FER: variants seen among roughly 807,000 people sequenced by gnomAD.
FER encodes the protein FER tyrosine kinase.
A neutral mutation model predicts 111.0 loss-of-function variants in FER; 63 were observed. That is an observed-to-expected ratio of 0.57 (90% CI 0.46 to 0.70). The LOEUF (loss-of-function observed/expected upper bound fraction) is 0.70, where lower values mean the gene tolerates loss of function less well. Ranked by LOEUF, FER falls within the 30% of genes least tolerant of loss-of-function variation. The pLI is 0.00. For synonymous variants in FER, 327 were observed against 313.9 expected, an observed-to-expected ratio of 1.04 and a Z score of -0.44; for missense variants, 914 against 954.0, an observed-to-expected ratio of 0.96 and a Z score of 0.55.
chr5:108,880,515 A>G (rs1765571859), intron 8 of FER, among the ~76,000 whole-genome samples: 1 of 152,086 alleles, frequency 6.6e-6, no homozygotes. Flanking sequence ...TTATTTATTT[A>G]TTTATAATTA....
intron 5 of FER, among the ~76,000 whole-genome samples, chr5:108,858,348 A>G (rs1316896587): frequency 2.0e-5 from 3 of 152,236 alleles, no homozygotes; most frequent in Non-Finnish European, 4.4e-5. Context: ...CTGAAAAATG[A>G]AACTTAAAGA....
chr5:108,845,017 T>TATATATATACATATATATATATAC (rs1761798676), intron 5 of FER, among the ~76,000 whole-genome samples: 1 of 52,218 alleles, frequency 1.9e-5, no homozygotes, highest in African/African-American at 6.4e-5. Context: ...TATATATATA[T>TATATATATACATATATATATATAC]ATATATATAT....
At chr5:108,805,942 T>C (rs912204903) in intron 3 of FER, among the ~76,000 whole-genome samples, 1 of 152,156 alleles carries the variant, frequency 6.6e-6, no homozygotes, top group Admixed American at 6.5e-5. Flanking sequence ...TAACAAGGAA[T>C]TGAATGTTAA....
chr5:108,769,942 T>A (rs565990354), intron 2 of FER, among the ~76,000 whole-genome samples: 1 of 152,212 alleles, frequency 6.6e-6, no homozygotes, highest in South Asian at 2.1e-4. Flanking sequence ...CTGATGATGA[T>A]GATGATGATG....
intron 17 of FER, among the ~76,000 whole-genome samples, chr5:109,169,007 C>A (rs541818468): frequency 2.0e-5 from 3 of 152,290 alleles, no homozygotes. Context: ...AAGCAAATTT[C>A]ATTAAGAGAC....
chr5:109,154,794 C>G (rs952646555), intron 17 of FER, among the ~76,000 whole-genome samples: 5 of 151,796 alleles, frequency 3.3e-5, no homozygotes, highest in Admixed American at 3.3e-4. Context: ...TAGGGACCTT[C>G]AAAACTGAAA....
At chr5:108,867,425 G>C (rs1764173646) in intron 5 of FER, among the ~76,000 whole-genome samples, 1 of 151,858 alleles carries the variant, frequency 6.6e-6, no homozygotes, top group Non-Finnish European at 1.5e-5. Context: ...AAACTTTCTT[G>C]GTTTCTTGGT....
chr5:108,945,806 CA>C (rs200288684), intron 10 of FER, among the ~76,000 whole-genome samples: 2 of 151,786 alleles, frequency 1.3e-5, no homozygotes, highest in East Asian at 3.9e-4. Flanking sequence ...TTCTTTTTTG[CA>C]TGTGTTAATA....
At chr5:109,148,910 A>T (rs1754523364) in intron 17 of FER, among the ~76,000 whole-genome samples, 1 of 152,116 alleles carries the variant, frequency 6.6e-6, no homozygotes, top group South Asian at 2.1e-4. Flanking sequence ...AATAAAGATG[A>T]TGTAGATGTA....
chr5:108,858,147 G>T (rs1763176557), intron 5 of FER, among the ~76,000 whole-genome samples: 2 of 152,148 alleles, frequency 1.3e-5, no homozygotes, highest in African/African-American at 2.4e-5. Flanking sequence ...GGGATACACT[G>T]AGGGGTTCAC....
At position 109,093,580 on chromosome 5, in the gene FER, T is replaced by C. The variant is rs1747092931; in HGVS notation, c.1925-6816T>C. Among the ~76,000 whole-genome samples the C allele has an allele frequency of 3.9e-5, 6 of 152,284 alleles. No homozygotes were observed. In the South Asian group the frequency reaches 1.2e-3, roughly 32 times the overall value. ...GATTGTATGACATCCACTGATATCA[T>C]TGTTTTGGGGATCTTAATATCCCTA... On this transcript the variant is annotated intron_variant, in intron 16 of 19. Transcript: ENST00000281092.
intron 17 of FER, among the ~76,000 whole-genome samples, chr5:109,136,405 T>C (rs1193606322): frequency 6.6e-6 from 1 of 152,198 alleles, no homozygotes; most frequent in Non-Finnish European, 1.5e-5. Context: ...AAAATCGTGT[T>C]TTAATTGAGT....
chr5:109,181,419 T>C (rs1225099613), intron 18 of FER, among the ~76,000 whole-genome samples: 2 of 152,156 alleles, frequency 1.3e-5, no homozygotes, highest in African/African-American at 4.8e-5. Context: ...TTCACTTGAA[T>C]TTTTATGCGT....
At chr5:108,822,172 AG>A (rs1223655655) in intron 3 of FER, among the ~76,000 whole-genome samples, 1 of 152,182 alleles carries the variant, frequency 6.6e-6, no homozygotes, top group Non-Finnish European at 1.5e-5. Flanking sequence ...CAAAAATGGC[AG>A]GATTTCCTTC....
intron 2 of FER, among the ~76,000 whole-genome samples, chr5:108,783,188 C>T (rs1293001795): frequency 6.6e-6 from 1 of 152,050 alleles, no homozygotes; most frequent in Non-Finnish European, 1.5e-5. Context: ...TGGGTGAATT[C>T]TGTTGTTCTG....
chr5:108,866,100 T>C (rs532739207), intron 5 of FER, among the ~76,000 whole-genome samples: 6 of 152,192 alleles, frequency 3.9e-5, no homozygotes, highest in South Asian at 2.1e-4. Context: ...ATACCAAAAA[T>C]ATTATAAATC....
intron 17 of FER, among the ~76,000 whole-genome samples, chr5:109,116,004 A>G (rs1398339919): frequency 1.3e-5 from 2 of 152,042 alleles, no homozygotes; most frequent in African/African-American, 4.8e-5. Context: ...ACATTCAACC[A>G]GAATATATAA....
chr5:108,955,003 G>A (rs1030246546), intron 12 of FER, 71 bp downstream of exon 12: 12 of 1,335,662 alleles, frequency 9.0e-6, no homozygotes, highest in South Asian at 1.6e-5. Flanking sequence ...TTAAAATAAC[G>A]AATGGTTTGT....
At chr5:108,844,637 TC>T (rs1761694049) in intron 5 of FER, among the ~76,000 whole-genome samples, 1 of 152,136 alleles carries the variant, frequency 6.6e-6, no homozygotes, top group Non-Finnish European at 1.5e-5. Flanking sequence ...CCTTTTGTAA[TC>T]CCTGTCTTCC....
Sources: allele counts gnomAD v4.1 joint callset (sites outside exome capture counted in the v4.1 genomes callset), GRCh38; gene constraint gnomAD v4.1.1; transcripts MANE v1.5; gene names NCBI Gene and HGNC (gene_info 2026-07-23, HGNC 2026-07-21).